Variants in MAPK8 observed in about 807,000 individuals in gnomAD.
MAPK8 encodes JUN N-terminal kinase.
A neutral mutation model predicts 52.9 loss-of-function variants in MAPK8; 13 were observed. The observed-to-expected ratio is 0.25, with a 90% CI of 0.16 to 0.39. The LOEUF (loss-of-function observed/expected upper bound fraction) is 0.39, where lower values mean the gene tolerates loss of function less well. MAPK8 is among the 10% of genes least tolerant of loss of function. MAPK8 has a pLI of 1.00. For synonymous variants in MAPK8, 191 were observed against 169.8 expected, an observed-to-expected ratio of 1.12 and a Z score of -0.97; for missense variants, 300 against 519.2, an observed-to-expected ratio of 0.58 and a Z score of 4.10.
intron 5 of MAPK8, 42 bp from the exon 6 acceptor site, chr10:48,420,113 T>C: frequency 1.4e-6 from 2 of 1,453,566 alleles, no homozygotes; most frequent in Non-Finnish European, 1.9e-6. Flanking sequence ...AGGATTTTCC[T>C]ATATATCATG....
At chr10:48,363,122 A>T (rs1285849634) in intron 1 of MAPK8, among the ~76,000 whole-genome samples, 1 of 152,020 alleles carries the variant, frequency 6.6e-6, no homozygotes, top group Admixed American at 6.6e-5. Flanking sequence ...AACATAATGC[A>T]CTGCAGCCTT....
intron 1 of MAPK8, among the ~76,000 whole-genome samples, chr10:48,367,742 T>C (rs1264536299): frequency 1.3e-5 from 2 of 152,178 alleles, no homozygotes; most frequent in Non-Finnish European, 2.9e-5. Flanking sequence ...GTTTTAAAAA[T>C]TGTGTCATGA....
chr10:48,350,575 A>G (rs1235997743), intron 1 of MAPK8, among the ~76,000 whole-genome samples: 2 of 152,238 alleles, frequency 1.3e-5, no homozygotes, highest in Non-Finnish European at 2.9e-5. Context: ...ATAGCCCCTC[A>G]TGCTAAAAAC....
At chr10:48,308,480 T>C (rs1464738825) in intron 1 of MAPK8, among the ~76,000 whole-genome samples, 1 of 152,230 alleles carries the variant, frequency 6.6e-6, no homozygotes, top group African/African-American at 2.4e-5. Flanking sequence ...GAATCACGTG[T>C]AGGTCATTCA....
intron 1 of MAPK8, among the ~76,000 whole-genome samples, chr10:48,400,442 C>CATT (rs1403511852): frequency 2.0e-5 from 3 of 152,142 alleles, no homozygotes; most frequent in African/African-American, 7.2e-5. Flanking sequence ...TCATCTGAGT[C>CATT]ATTATAATAG....
chr10:48,398,405 A>G (rs766188416), intron 1 of MAPK8, among the ~76,000 whole-genome samples: 2 of 152,226 alleles, frequency 1.3e-5, no homozygotes, highest in African/African-American at 2.4e-5. Flanking sequence ...GTAAACCACC[A>G]TGAAATACCA....
At chr10:48,427,803 G>C (rs2043782180) in intron 10 of MAPK8, among the ~76,000 whole-genome samples, 1 of 152,188 alleles carries the variant, frequency 6.6e-6, no homozygotes, top group South Asian at 2.1e-4. Context: ...TCAGATATCT[G>C]GAAGGTTATT....
chr10:48,369,051 C>T (rs1277964530), intron 1 of MAPK8, among the ~76,000 whole-genome samples: 3 of 152,168 alleles, frequency 2.0e-5, no homozygotes, highest in Admixed American at 6.5e-5. Flanking sequence ...GTAGCATAAA[C>T]ATGGTGCTTC....
chr10:48,329,327 T>C (rs980294833), intron 1 of MAPK8, among the ~76,000 whole-genome samples: 1 of 152,196 alleles, frequency 6.6e-6, no homozygotes, highest in Admixed American at 6.5e-5. Context: ...GTCACTCTTA[T>C]TACCATAAGC....
At chr10:48,397,076 A>G (rs771040085) in intron 1 of MAPK8, among the ~76,000 whole-genome samples, 6 of 152,222 alleles carry the variant, frequency 3.9e-5, no homozygotes, top group African/African-American at 1.4e-4. Context: ...CTGGTATAAA[A>G]CTATTAACCA....
chr10:48,308,811 C>T (rs1468015587), intron 1 of MAPK8, among the ~76,000 whole-genome samples: 2 of 152,052 alleles, frequency 1.3e-5, no homozygotes, highest in East Asian at 3.8e-4. Flanking sequence ...TAAGTTCTAA[C>T]TTGTATTAAC....
At chr10:48,338,853 C>T (rs929444163) in intron 1 of MAPK8, among the ~76,000 whole-genome samples, 1 of 151,790 alleles carries the variant, frequency 6.6e-6, no homozygotes, top group Non-Finnish European at 1.5e-5. Context: ...CACACACACA[C>T]AATATCTAGA....
intron 1 of MAPK8, among the ~76,000 whole-genome samples, chr10:48,396,319 T>G (rs898879518): frequency 1.3e-5 from 2 of 152,058 alleles, no homozygotes; most frequent in Non-Finnish European, 2.9e-5. Context: ...AAAGAGTATA[T>G]AGATGACAAA....
At chr10:48,420,823 C>G (rs1254938595) in intron 6 of MAPK8, among the ~76,000 whole-genome samples, 1 of 152,140 alleles carries the variant, frequency 6.6e-6, no homozygotes, top group Admixed American at 6.5e-5. Flanking sequence ...AGTAAAGTTT[C>G]ATTAAAACGT....
intron 1 of MAPK8, among the ~76,000 whole-genome samples, chr10:48,385,187 G>C (rs1273180196): frequency 6.6e-6 from 1 of 152,128 alleles, no homozygotes; most frequent in Non-Finnish European, 1.5e-5. Context: ...TTTAGCTCAA[G>C]GGGTAGTGAG....
rs184952289 is a variant in MAPK8 at position 48,318,758 on chromosome 10, C to G, written c.-50+11937C>G. 1.2e-4 allele frequency among the ~76,000 whole-genome samples: 18 copies of G among 152,182 alleles called. No individual in the cohort carries two copies. In the South Asian group the frequency reaches 3.7e-3, roughly 32 times the overall value. ...GCAACTAGTGAGGGGAGTAAGGGTACGTACTGTAAACCAGTTGTAATGTCC... is the reference window on the plus strand; with the variant it reads ...GCAACTAGTGAGGGGAGTAAGGGTAGGTACTGTAAACCAGTTGTAATGTCC... On this transcript the variant is annotated intron_variant, in intron 1 of 11. Transcript: ENST00000374189.
intron 6 of MAPK8, among the ~76,000 whole-genome samples, chr10:48,420,526 T>C (rs1454924784): frequency 6.6e-6 from 1 of 152,190 alleles, no homozygotes; most frequent in Non-Finnish European, 1.5e-5. Context: ...TAAATACGGA[T>C]ACATAACATC....
intron 5 of MAPK8, among the ~76,000 whole-genome samples, chr10:48,411,773 CTCT>C (rs926268981): frequency 2.0e-5 from 3 of 151,928 alleles, no homozygotes; most frequent in Non-Finnish European, 4.4e-5. Flanking sequence ...TTCCTTCCTT[CTCT>C]TCTTTTTTCT....
At chr10:48,345,622 AT>A (rs1245963212) in intron 1 of MAPK8, among the ~76,000 whole-genome samples, 1 of 152,232 alleles carries the variant, frequency 6.6e-6, no homozygotes, top group Non-Finnish European at 1.5e-5. Context: ...AGTTTTACCT[AT>A]TATTCTTGCT....
Sources: allele counts gnomAD v4.1 joint callset (sites outside exome capture counted in the v4.1 genomes callset), GRCh38; gene constraint gnomAD v4.1.1; transcripts MANE v1.5; gene names NCBI Gene and HGNC (gene_info 2026-07-23, HGNC 2026-07-21).